Variants in TRMT2B observed in about 807,000 individuals in gnomAD.
TRMT2B encodes tRNA methyltransferase 2B.
Under a neutral mutation model 39.7 loss-of-function variants are expected in TRMT2B, and 34 were observed. The observed-to-expected ratio is 0.86, with a 90% CI of 0.65 to 1.14. The LOEUF (loss-of-function observed/expected upper bound fraction) is 1.14, where lower values mean the gene tolerates loss of function less well. Ranked by LOEUF, TRMT2B falls within the 50% of genes most tolerant of loss-of-function variation. The probability of loss-of-function intolerance (pLI) is 0.00; values close to 1 mark genes in which losing one functional copy is unlikely to be tolerated. For missense variants in TRMT2B, 318 were observed against 377.2 expected, an observed-to-expected ratio of 0.84 and a Z score of 1.30; for synonymous variants, 132 against 137.3, an observed-to-expected ratio of 0.96 and a Z score of 0.27.
the TRMT2B span, chrX:100,986,821 A>C: frequency 8.3e-7 from 1 of 1,202,605 alleles, no homozygotes; most frequent in Non-Finnish European, 1.1e-6. Context: ...AGACAAGAAG[A>C]AAGCCCTCAT....
intron 6 of TRMT2B, among the ~76,000 whole-genome samples, chrX:101,036,231 A>G (rs889058972): frequency 4.5e-5 from 5 of 110,909 alleles, no homozygotes; most frequent in East Asian, 2.8e-4. Flanking sequence ...GGATCACCTG[A>G]GGTCAGGAGT....
intron 7 of TRMT2B, among the ~76,000 whole-genome samples, chrX:101,030,239 G>C (rs76749052): frequency 8.0e-4 from 89 of 110,652 alleles, no homozygotes; most frequent in African/African-American, 2.9e-3. Context: ...CATCCAGCCT[G>C]GGCGACAGAG....
chrX:101,012,256 G>A (rs188975382), intron 13 of TRMT2B, among the ~76,000 whole-genome samples: 1 of 110,458 alleles, frequency 9.1e-6, no homozygotes, highest in Non-Finnish European at 1.9e-5. Context: ...CCCATGTGCT[G>A]AAATGTTACA....
intron 6 of TRMT2B, among the ~76,000 whole-genome samples, chrX:101,036,274 C>T (rs1359397339): frequency 1.8e-5 from 2 of 109,370 alleles, no homozygotes; most frequent in African/African-American, 6.7e-5. Context: ...AGCGAAACCC[C>T]GTCTCTACCA....
chrX:100,990,467 CATTTGATAATATTT>C, the TRMT2B span: 3 of 986,195 alleles, frequency 3.0e-6, no homozygotes, highest in Non-Finnish European at 3.8e-6. Context: ...TTTAAATTTC[CATTTGATAATATTT>C]CTACACTCCC....
chrX:101,041,471 T>G, intron 3 of TRMT2B, 100 bp from the exon 4 acceptor site: 12 of 794,341 alleles, frequency 1.5e-5, no homozygotes, highest in Non-Finnish European at 2.0e-5. Context: ...TCATGCTCTC[T>G]AGGGAGATGG....
chrX:101,020,953 G>A (rs1325711766), intron 10 of TRMT2B, 148 bp downstream of exon 10: 22 of 502,772 alleles, frequency 4.4e-5, no homozygotes, highest in Non-Finnish European at 3.7e-5. Flanking sequence ...ACAGGCATAA[G>A]CAACCACACT....
intron 13 of TRMT2B, among the ~76,000 whole-genome samples, chrX:101,018,350 A>G (rs2086625106): frequency 1.8e-5 from 2 of 110,263 alleles, no homozygotes; most frequent in South Asian, 7.9e-4. Context: ...TCAAAAGAAA[A>G]GAAAATATTG....
intron 11 of TRMT2B, among the ~76,000 whole-genome samples, chrX:101,019,758 G>A (rs1268307735): frequency 9.3e-6 from 1 of 108,060 alleles, no homozygotes; most frequent in African/African-American, 3.4e-5. Flanking sequence ...TCAGCCTCCC[G>A]AGTAGCTTGG....
At chrX:101,035,104 T>C (rs2087751961) in intron 7 of TRMT2B, among the ~76,000 whole-genome samples, 1 of 111,207 alleles carries the variant, frequency 9.0e-6, no homozygotes, top group African/African-American at 3.3e-5. Flanking sequence ...CAGCATACTC[T>C]GGGATACAGA....
In TRMT2B at chrX:101,010,420, T is replaced by C. The variant is rs2086200018; in HGVS notation, c.*161A>G. On this transcript the variant is annotated 3_prime_UTR_variant, in exon 14 of 14. Coordinates refer to ENST00000372936, the MANE Select transcript of TRMT2B (RefSeq NM_024917.6). Reference sequence around the variant, plus strand: ...GTGAGACTCTATCTCAAAAAAAAAATCTGCCTCAGACCAGAGGCCTAATAG... The same window carrying C: ...GTGAGACTCTATCTCAAAAAAAAAACCTGCCTCAGACCAGAGGCCTAATAG... 1 of 589,402 alleles carries C rather than the reference T, an allele frequency of 1.7e-6. No individual in the cohort carries two copies. Among genetic ancestry groups the C allele is most frequent in the Non-Finnish European group, 2.7e-6 (1 of 375,966 alleles). 48.6% of individuals were successfully genotyped at this position (589,402 alleles called of 1,213,427 possible).
chrX:101,019,144 C>G (rs1181296329), intron 12 of TRMT2B, 74 bp from the exon 13 acceptor site: 14 of 1,111,296 alleles, frequency 1.3e-5, no homozygotes, highest in Non-Finnish European at 8.7e-6. Context: ...TCCAACTGAC[C>G]AGAACTCAGG....
chrX:100,982,223 G>C, the TRMT2B span, among the ~76,000 whole-genome samples: 1 of 111,236 alleles, frequency 9.0e-6, no homozygotes, highest in African/African-American at 3.3e-5. Context: ...GGGTGTGGTA[G>C]CTCACGCCTG....
Position 101,023,713 on chromosome X carries a change from A to C in TRMT2B, c.610-97T>G, listed in dbSNP as rs970584868. ...TTGTTTGTGTTACATTGTGTCCCCC[A>C]AAAATTCCTATGTTGAAGCCTTAAC... is the stretch of plus-strand genomic sequence containing the variant. On this transcript the variant is annotated intron_variant, in intron 7 of 13. Transcript: ENST00000372936. The C allele has an allele frequency of 4.4e-6, 4 of 900,557 alleles. No individual in the cohort carries two copies. The African/African-American group carries it at 5.9e-5, about 13-fold the overall frequency. 74.2% of individuals were successfully genotyped at this position (900,557 alleles called of 1,213,427 possible).
chrX:100,974,265 C>T, the TRMT2B span: 13 of 860,441 alleles, frequency 1.5e-5, no homozygotes, highest in Non-Finnish European at 2.2e-5. Context: ...GTGAAATAAT[C>T]CTTCCTTCCT....
rs35472826 is a variant in TRMT2B at position 101,044,249 on chromosome X, G to GA, written c.-23-1938dup. On this transcript the variant is annotated intron_variant, in intron 2 of 13. Transcript: ENST00000372936. ...AGAGCGAGACTCCGTCTCAAAAAGA[G>GA]AAAAAAAAAAAAAAAAAAAGCAAGT... 8.4e-3 allele frequency among the ~76,000 whole-genome samples: 364 copies of GA among 43,513 alleles called. 4 individuals carry two copies. Among genetic ancestry groups the GA allele is most frequent in the African/African-American group, 0.016 (201 of 12,840 alleles). 37.8% of individuals were successfully genotyped at this position (43,513 alleles called of 115,157 possible). A position where few individuals can be genotyped will look rare whatever the true frequency, so the allele number is the denominator to read the frequency against.
At chrX:101,035,887 A>G (rs982127622) in intron 6 of TRMT2B, among the ~76,000 whole-genome samples, 2 of 111,665 alleles carry the variant, frequency 1.8e-5, no homozygotes, top group Non-Finnish European at 3.8e-5. Context: ...GCTACTCAAT[A>G]TTTTCTCTCA....
intron 7 of TRMT2B, among the ~76,000 whole-genome samples, chrX:101,024,797 G>C (rs147555589): frequency 1.8e-5 from 2 of 110,428 alleles, no homozygotes; most frequent in Non-Finnish European, 3.8e-5. Flanking sequence ...CTCCAGCCTG[G>C]GCAACAGAGT....
intron 13 of TRMT2B, among the ~76,000 whole-genome samples, chrX:101,018,472 T>C (rs1198817225): frequency 9.4e-6 from 1 of 106,092 alleles, no homozygotes; most frequent in Admixed American, 1.0e-4. Flanking sequence ...AGACGGAGTC[T>C]CTCTCTGTCG....
Sources: gnomAD v4.1 joint callset for allele counts (sites outside exome capture counted in the v4.1 genomes callset) on GRCh38, gnomAD v4.1.1 for gene constraint, MANE v1.5 for transcripts, NCBI Gene and HGNC (gene_info 2026-07-23, HGNC 2026-07-21) for gene names.